The following PCDHGA4 variants were observed in gnomAD, a reference collection of about 807,000 sequenced individuals.
The protein encoded by PCDHGA4 is protocadherin gamma subfamily A, 4, also known as protocadherin gamma-A4.
PCDHGA4 carries 38 observed loss-of-function variants against 54.6 expected under a neutral mutation model. That is an observed-to-expected ratio of 0.70 (90% confidence interval 0.54 to 0.91). The LOEUF is 0.91. PCDHGA4 is among the 40% of genes least tolerant of loss of function. PCDHGA4 has a pLI of 0.00. For synonymous variants in PCDHGA4, 511 were observed against 512.9 expected, an observed-to-expected ratio of 1.00 and a Z score of 0.05; for missense variants, 1,298 against 1,220.9, an observed-to-expected ratio of 1.06 and a Z score of -0.94.
chr5:141,431,450 A>T lies in PCDHGA4; in HGVS notation c.2515-63357A>T, dbSNP rs1468567743. 1 of 1,613,740 alleles carries T rather than the reference A, an allele frequency of 6.2e-7. No homozygotes were observed. Among genetic ancestry groups the T allele is most frequent in the Admixed American group, 1.7e-5 (1 of 60,032 alleles). ...CACAGGCACCGCGCGCATCCGCGTG[A>T]TGGTTCTGGATGCGAACGACAACGC... On this transcript the variant is annotated intron_variant, in intron 1 of 3. Transcript: ENST00000571252. This position sits in a 1 kb window ranked among gnomAD's most constrained non-coding sequence, Gnocchi z 4.8.
chr5:141,428,797 G>A (rs2097161930), intron 1 of PCDHGA4: 1 of 152,310 alleles, frequency 6.6e-6, no homozygotes, highest in Admixed American at 6.5e-5. Context: ...TTCTGTGTGG[G>A]CCAGTAACTT....
chr5:141,393,453 G>T lies in PCDHGA4; in HGVS notation c.2514+35832G>T, dbSNP rs373805221. On this transcript the variant is annotated intron_variant, in intron 1 of 3. Transcript: ENST00000571252. ...GGCTGCTCACCACCTGGTCCTCACG[G>T]CCTCGGATGGCGGCAAGCCGCCTCG... 6.6e-5 allele frequency: 107 copies of T among 1,614,038 alleles called. 2 individuals carry two copies. In the South Asian group the frequency reaches 1.0e-3, roughly 15 times the overall value.
chr5:141,426,768 G>A (rs2096959269), intron 1 of PCDHGA4: 1 of 456,516 alleles, frequency 2.2e-6, no homozygotes, highest in Non-Finnish European at 4.4e-6. Flanking sequence ...TGCAGATGTA[G>A]GGCCTCACTC....
intron 1 of PCDHGA4, chr5:141,362,287 T>C (rs1364587967): frequency 2.2e-5 from 36 of 1,613,948 alleles, no homozygotes; most frequent in Non-Finnish European, 3.0e-5. Context: ...CCTGCGACTC[T>C]CTTCCAGGTC....
chr5:141,357,680 A>G (rs913716274), intron 1 of PCDHGA4, 59 bp downstream of exon 1: 1 of 1,580,188 alleles, frequency 6.3e-7, no homozygotes, highest in Non-Finnish European at 8.6e-7. Flanking sequence ...AGTTGTGTAA[A>G]TGTCTCTCAT....
At chr5:141,454,796 ATTTTTTTTTTTT>A (rs61612330) in intron 1 of PCDHGA4, among the ~76,000 whole-genome samples, 76 of 77,462 alleles carry the variant, frequency 9.8e-4, no homozygotes, top group African/African-American at 3.9e-3. Flanking sequence ...CATGGTTCTA[ATTTTTTTTTTTT>A]TTTTTTTTTT....
At position 141,432,579 on chromosome 5, in the gene PCDHGA4, G is replaced by A. The variant is rs769224543; in HGVS notation, c.2515-62228G>A. 6.2e-7 allele frequency: 1 copy of A among 1,613,860 alleles called. No homozygotes were observed. Among genetic ancestry groups the A allele is most frequent in the Non-Finnish European group, 8.5e-7 (1 of 1,179,984 alleles). On this transcript the variant is annotated intron_variant, in intron 1 of 3. Transcript: ENST00000571252. The surrounding 1 kb of genome is among the most constrained non-coding windows in gnomAD (Gnocchi z 6.0). ...GGCCAGAACGCCTGGCTGTCCTACC[G>A]TCTGCTCAAGGCCAGCGAGCCGGGA...
intron 1 of PCDHGA4, chr5:141,366,786 AT>A (rs770117730): frequency 6.3e-7 from 1 of 1,575,572 alleles, no homozygotes; most frequent in Non-Finnish European, 8.6e-7. Flanking sequence ...TGACCAGAAC[AT>A]TTTCATTTGT....
chr5:141,398,874 C>G (rs1384943457), intron 1 of PCDHGA4: 1 of 1,613,978 alleles, frequency 6.2e-7, no homozygotes, highest in South Asian at 1.1e-5. Context: ...TGTACAGAGT[C>G]AGCCTTCGGG....
Position 141,511,380 on chromosome 5 carries a change from C to G in PCDHGA4, c.*207C>G. The G allele has an allele frequency of 7.7e-6, 9 of 1,170,490 alleles. No individual in the cohort carries two copies. The highest frequency in any genetic ancestry group is 1.1e-5 in the Non-Finnish European group (9 of 854,564). 72.5% of individuals were successfully genotyped at this position (1,170,490 alleles called of 1,614,324 possible). A position where few individuals can be genotyped will look rare whatever the true frequency, so the allele number is the denominator to read the frequency against. On this transcript the variant is annotated 3_prime_UTR_variant, in exon 4 of 4. Transcript: ENST00000571252. ...GGGGTTGAATATGCAAAAGCAGTTC[C>G]GCTGGGAACCCCCATCCAATCAACT...
chr5:141,390,867 C>CGTGT (rs61319619), intron 1 of PCDHGA4: 7,865 of 151,126 alleles, frequency 0.052, 273 homozygotes, highest in African/African-American at 0.097. Context: ...GCTGTGTGTG[C>CGTGT]GTGTGTGTGT....
intron 1 of PCDHGA4, chr5:141,374,617 C>T: frequency 1.2e-6 from 2 of 1,613,518 alleles, no homozygotes; most frequent in South Asian, 1.1e-5. Flanking sequence ...ATAGTCACTT[C>T]TCAGTGGACG....
intron 1 of PCDHGA4, among the ~76,000 whole-genome samples, chr5:141,358,682 T>A (rs770893942): frequency 6.6e-6 from 1 of 152,214 alleles, no homozygotes. Flanking sequence ...AAATTGCTTA[T>A]CATGACATCA....
chr5:141,490,981 C>T lies in PCDHGA4; in HGVS notation c.2515-3826C>T. 19 of 1,614,096 alleles carry T rather than the reference C, an allele frequency of 1.2e-5. No homozygotes were observed. The highest frequency in any genetic ancestry group is 1.5e-5 in the Non-Finnish European group (18 of 1,180,018). Reference sequence around the variant, plus strand: ...ACACTCAGCCCCCCAGCGTCTCCCTCGCTCTGCTCCTCCTGGCTCCTTGGT... The same window carrying T: ...ACACTCAGCCCCCCAGCGTCTCCCTTGCTCTGCTCCTCCTGGCTCCTTGGT... On this transcript the variant is annotated intron_variant, in intron 1 of 3. Transcript: ENST00000571252. The surrounding 1 kb of genome is among the most constrained non-coding windows in gnomAD (Gnocchi z 5.4).
At position 141,384,236 on chromosome 5, in the gene PCDHGA4, A is replaced by G. The variant is rs199759698; in HGVS notation, c.2514+26615A>G. On this transcript the variant is annotated intron_variant, in intron 1 of 3. Transcript: ENST00000571252. ...ATATTCATGCAGGTGGCAGACACCA[A>G]CGATAACCCACCCACCTTCCCCCAC... The G allele has an allele frequency of 1.1e-4, 176 of 1,613,768 alleles. No homozygotes were observed. The highest frequency in any genetic ancestry group is 1.5e-4 in the Non-Finnish European group (172 of 1,179,900).
Position 141,503,999 on chromosome 5 carries a change from C to T in PCDHGA4, c.2574-1394C>T, listed in dbSNP as rs569153055. On this transcript the variant is annotated intron_variant, in intron 2 of 3. Coordinates refer to ENST00000571252, the MANE Select transcript of PCDHGA4 (RefSeq NM_018917.4). Reference sequence around the variant, plus strand: ...AACCCTTCTTCTTACCTTACAGTCACTTAACTGTCTCTGCTGGTCTCTTCC... The same window carrying T: ...AACCCTTCTTCTTACCTTACAGTCATTTAACTGTCTCTGCTGGTCTCTTCC... 2.0e-5 allele frequency among the ~76,000 whole-genome samples: 3 copies of T among 152,286 alleles called. No individual in the cohort carries two copies. The South Asian group carries it at 6.2e-4, about 32-fold the overall frequency.
In PCDHGA4 at chr5:141,356,407, C is replaced by T; in HGVS notation, c.1300C>T (p.Arg434Trp). 2 of 1,592,640 alleles carry T rather than the reference C, an allele frequency of 1.3e-6. No individual in the cohort carries two copies. Among genetic ancestry groups the T allele is most frequent in the Admixed American group, 1.8e-5 (1 of 56,082 alleles). The change falls in exon 1 of 4, where the codon CGG becomes TGG. Residue 434 changes from arginine (R) to tryptophan (W), a missense_variant. By Grantham distance (101) the Arg-to-Trp change is moderately radical. Transcript: ENST00000571252. ...TLEKTYGNYY[R>W]LLTHRTLDRE... ...TGAAAAGACCTATGGAAATTATTATCGGTTGTTGACACACAGAACACTGGA... is the reference window on the plus strand; with the variant it reads ...TGAAAAGACCTATGGAAATTATTATTGGTTGTTGACACACAGAACACTGGA...
In PCDHGA4 at chr5:141,491,556, C is replaced by T. The variant is rs2099720720; in HGVS notation, c.2515-3251C>T. The T allele has an allele frequency of 1.2e-6, 2 of 1,613,848 alleles. No homozygotes were observed. The highest frequency in any genetic ancestry group is 1.7e-5 in the Admixed American group (1 of 60,000). ...TGCGGCCCACAGACTCGCAGAGCCA[C>T]TGCTACAGGACGTGCTTTTCACCGG... On this transcript the variant is annotated intron_variant, in intron 1 of 3. Transcript: ENST00000571252. The surrounding 1 kb of genome is among the most constrained non-coding windows in gnomAD (Gnocchi z 6.9).
Position 141,430,800 on chromosome 5 carries a change from T to C in PCDHGA4, c.2515-64007T>C, listed in dbSNP as rs770490590. 2.6e-6 allele frequency: 4 copies of C among 1,524,818 alleles called. No homozygotes were observed. In the South Asian group the frequency reaches 5.3e-5, roughly 20 times the overall value. 94.5% of individuals were successfully genotyped at this position (1,524,818 alleles called of 1,614,324 possible). A position where few individuals can be genotyped will look rare whatever the true frequency, so the allele number is the denominator to read the frequency against. ...CTGCACCGGGACTACAAAGGGCTTG[T>C]CCTGCTGGGAATCCTCCTGGGGACT... is the stretch of plus-strand genomic sequence containing the variant. On this transcript the variant is annotated intron_variant, in intron 1 of 3. Transcript: ENST00000571252.
Sources: gnomAD v4.1 joint callset for allele counts (sites outside exome capture counted in the v4.1 genomes callset) on GRCh38, gnomAD v4.1.1 for gene constraint, Gnocchi (gnomAD v3.1) non-coding constraint, MANE v1.5 for transcripts, NCBI Gene and HGNC (gene_info 2026-07-23, HGNC 2026-07-21) for gene names.